CSMD1: variants seen among roughly 807,000 people sequenced by gnomAD.
CSMD1 encodes CUB and Sushi multiple domains 1, also known as CUB and sushi domain-containing protein 1.
Under a neutral mutation model 417.5 loss-of-function variants are expected in CSMD1, and 213 were observed. The ratio of observed to expected loss-of-function variants is 0.51; its 90% CI spans 0.46 to 0.57. The LOEUF is 0.57. CSMD1 is among the 20% of genes least tolerant of loss of function. The pLI, the probability that CSMD1 is intolerant of heterozygous loss-of-function variation, is 0.00. For synonymous variants in CSMD1, 2,862 were observed against 1,736.8 expected, an observed-to-expected ratio of 1.65 and a Z score of -16.11; for missense variants, 6,923 against 4,529.7, an observed-to-expected ratio of 1.53 and a Z score of -15.17.
chr8:4,039,836 T>C (rs946121257), intron 3 of CSMD1, among the ~76,000 whole-genome samples: 3 of 152,198 alleles, frequency 2.0e-5, no homozygotes, highest in African/African-American at 7.2e-5. Flanking sequence ...CAAATAGATT[T>C]GGGTTTCTGC....
intron 1 of CSMD1, among the ~76,000 whole-genome samples, chr8:4,775,646 A>T (rs567850425): frequency 2.0e-5 from 3 of 152,304 alleles, no homozygotes; most frequent in African/African-American, 7.2e-5. Flanking sequence ...TTTTATTTTC[A>T]AAAACATCAT....
intron 3 of CSMD1, among the ~76,000 whole-genome samples, chr8:4,064,277 C>A (rs7831840): frequency 0.061 from 9,301 of 152,254 alleles, 364 homozygotes; most frequent in Non-Finnish European, 0.089. Context: ...CCTTTTTTAT[C>A]GTACCATATT....
intron 3 of CSMD1, among the ~76,000 whole-genome samples, chr8:4,330,073 T>G (rs757479400): frequency 6.6e-6 from 1 of 152,140 alleles, no homozygotes; most frequent in Non-Finnish European, 1.5e-5. Flanking sequence ...GTCTCATATA[T>G]TTCTTTAGAG....
intron 5 of CSMD1, among the ~76,000 whole-genome samples, chr8:3,828,123 G>A (rs534804687): frequency 1.8e-4 from 27 of 152,304 alleles, no homozygotes; most frequent in Non-Finnish European, 3.5e-4. Context: ...CCATATGGCA[G>A]AACCTGGGAA....
intron 5 of CSMD1, among the ~76,000 whole-genome samples, chr8:3,767,739 C>A (rs1399522529): frequency 6.6e-6 from 1 of 152,042 alleles, no homozygotes; most frequent in Admixed American, 6.6e-5. Context: ...GAGAAGTGAA[C>A]CTTAAGATGA....
rs571119073 is a variant in CSMD1 at position 3,943,881 on chromosome 8, G to A, written c.818+54022C>T. ...TATTTAGGGAAACGAAAGAGACATG[G>A]CAGCTAAATGCAACCTGTGATGCTG... On this transcript the variant is annotated intron_variant, in intron 5 of 69. Transcript: ENST00000635120. Among the ~76,000 whole-genome samples the A allele has an allele frequency of 2.6e-5, 4 of 152,188 alleles. No homozygotes were observed. The South Asian group carries it at 6.2e-4, about 24-fold the overall frequency.
chr8:3,378,982 G>A (rs888436756), intron 18 of CSMD1, among the ~76,000 whole-genome samples: 5 of 152,184 alleles, frequency 3.3e-5, no homozygotes, highest in Admixed American at 2.0e-4. Flanking sequence ...TGACATGATT[G>A]TATATTTAGA....
At chr8:4,501,037 G>A (rs1585171819) in intron 2 of CSMD1, among the ~76,000 whole-genome samples, 1 of 151,952 alleles carries the variant, frequency 6.6e-6, no homozygotes, top group African/African-American at 2.4e-5. Flanking sequence ...ACTACCTTGG[G>A]TTATGACATC....
At chr8:4,680,801 A>T (rs2130976079) in intron 1 of CSMD1, among the ~76,000 whole-genome samples, 1 of 152,012 alleles carries the variant, frequency 6.6e-6, no homozygotes, top group Non-Finnish European at 1.5e-5. Flanking sequence ...GATGGTCTTG[A>T]TCTCTTGACT....
At chr8:4,683,613 G>C (rs1366632154) in intron 1 of CSMD1, among the ~76,000 whole-genome samples, 3 of 152,198 alleles carry the variant, frequency 2.0e-5, no homozygotes, top group Non-Finnish European at 2.9e-5. Context: ...TCAGACAGTT[G>C]AGGAAATGAC....
At chr8:3,511,570 A>T (rs1797068545) in intron 10 of CSMD1, among the ~76,000 whole-genome samples, 1 of 151,364 alleles carries the variant, frequency 6.6e-6, no homozygotes, top group Admixed American at 6.6e-5. Flanking sequence ...GCCCGGCCAA[A>T]ATGGTGAAAC....
At chr8:3,759,978 T>A (rs1797901254) in intron 5 of CSMD1, among the ~76,000 whole-genome samples, 1 of 151,374 alleles carries the variant, frequency 6.6e-6, no homozygotes, top group African/African-American at 2.4e-5. Context: ...CCCGCATTAA[T>A]TCAGAGCGCA....
At chr8:4,956,320 TAA>T (rs1220838384) in intron 1 of CSMD1, among the ~76,000 whole-genome samples, 1 of 151,618 alleles carries the variant, frequency 6.6e-6, no homozygotes, top group African/African-American at 2.4e-5. Flanking sequence ...ATATGAATAA[TAA>T]AAATAATTAA....
chr8:3,550,632 G>C (rs1022243816), intron 10 of CSMD1, among the ~76,000 whole-genome samples: 3 of 152,136 alleles, frequency 2.0e-5, no homozygotes, highest in African/African-American at 4.8e-5. Flanking sequence ...CCTTTGCCTA[G>C]TGCTGTTTCC....
chr8:3,614,690 G>T (rs770587507), intron 8 of CSMD1, among the ~76,000 whole-genome samples: 2 of 152,140 alleles, frequency 1.3e-5, no homozygotes, highest in African/African-American at 2.4e-5. Context: ...CTAGGTTTCT[G>T]GGATGACAGG....
At chr8:3,719,733 A>C (rs562466564) in intron 6 of CSMD1, among the ~76,000 whole-genome samples, 2 of 152,258 alleles carry the variant, frequency 1.3e-5, no homozygotes, top group East Asian at 3.9e-4. Context: ...ATTATGTACA[A>C]ATATATACTG....
chr8:4,342,431 A>T (rs563062831), intron 3 of CSMD1, among the ~76,000 whole-genome samples: 1 of 152,062 alleles, frequency 6.6e-6, no homozygotes, highest in Non-Finnish European at 1.5e-5. Context: ...GAACTGTTGA[A>T]AACTATTCTG....
chr8:4,131,856 A>C (rs1393618016), intron 3 of CSMD1, among the ~76,000 whole-genome samples: 1 of 131,704 alleles, frequency 7.6e-6, no homozygotes, highest in East Asian at 2.3e-4. Flanking sequence ...TCCATCTCCC[A>C]GGTTCACGCC....
At chr8:4,819,338 G>C (rs1046661724) in intron 1 of CSMD1, among the ~76,000 whole-genome samples, 1 of 152,066 alleles carries the variant, frequency 6.6e-6, no homozygotes, top group South Asian at 2.1e-4. Flanking sequence ...TATTCACATA[G>C]GGAATATGTG....
Sources: allele counts gnomAD v4.1 joint callset (sites outside exome capture counted in the v4.1 genomes callset), GRCh38; gene constraint gnomAD v4.1.1; transcripts MANE v1.5; gene names NCBI Gene and HGNC (gene_info 2026-07-23, HGNC 2026-07-21).